The following SARAF variants were observed in gnomAD, a reference collection of about 807,000 sequenced individuals.
The protein encoded by SARAF is store-operated calcium entry-associated regulatory factor.
A neutral mutation model predicts 39.7 loss-of-function variants in SARAF; 23 were observed. The observed-to-expected ratio is 0.58, with a 90% CI of 0.42 to 0.82. The LOEUF (loss-of-function observed/expected upper bound fraction) is 0.82. Among genes scored for constraint, SARAF ranks in the 40% least tolerant of loss-of-function variants. The pLI, the probability that SARAF is intolerant of heterozygous loss-of-function variation, is 0.00. For missense variants in SARAF, 384 were observed against 418.5 expected, an observed-to-expected ratio of 0.92 and a Z score of 0.72; for synonymous variants, 175 against 168.5, an observed-to-expected ratio of 1.04 and a Z score of -0.30.
intron 5 of SARAF, among the ~76,000 whole-genome samples, chr8:30,064,561 A>ATATATATATATATATATATTTTTTTTTT (rs1423689069): frequency 2.2e-5 from 1 of 46,226 alleles, no homozygotes; most frequent in Non-Finnish European, 3.4e-5. Flanking sequence ...ATATATATAT[A>ATATATATATATATATATATTTTTTTTTT]TTTTTTTTTT....
chr8:30,067,764 AATGTTTATGGATATT>A (rs1801725529), intron 3 of SARAF, among the ~76,000 whole-genome samples: 1 of 152,102 alleles, frequency 6.6e-6, no homozygotes, highest in African/African-American at 2.4e-5. Context: ...GTCCCATTCT[AATGTTTATGGATATT>A]CCACCTCCAT....
At chr8:30,078,609 G>GA (rs1221822264) in intron 1 of SARAF, among the ~76,000 whole-genome samples, 1 of 152,162 alleles carries the variant, frequency 6.6e-6, no homozygotes, top group African/African-American at 2.4e-5. Flanking sequence ...GCTAATGGTG[G>GA]AACAAACTGA....
chr8:30,066,280 G>A, intron 4 of SARAF, 141 bp from the exon 5 acceptor site: 2 of 908,092 alleles, frequency 2.2e-6, no homozygotes, highest in Admixed American at 3.0e-5. Flanking sequence ...GAGTTAACAT[G>A]AAATAAAAAC....
chr8:30,079,432 A>G (rs944271134), intron 1 of SARAF, among the ~76,000 whole-genome samples: 5 of 152,230 alleles, frequency 3.3e-5, no homozygotes, highest in African/African-American at 9.6e-5. Context: ...TCCAAGAACT[A>G]TATTCAAATA....
chr8:30,071,205 G>A (rs145892308), intron 2 of SARAF, among the ~76,000 whole-genome samples: 26 of 152,302 alleles, frequency 1.7e-4, no homozygotes, highest in South Asian at 1.0e-3. Flanking sequence ...GGTGGGCATG[G>A]TGGCAGGCGC....
intron 4 of SARAF, 83 bp from the exon 5 acceptor site, chr8:30,066,222 A>G (rs1055590524): frequency 1.5e-6 from 2 of 1,338,080 alleles, no homozygotes; most frequent in Admixed American, 4.6e-5. Context: ...AACTGTCAGA[A>G]AAAAATATCT....
chr8:30,081,822 T>C lies in SARAF; in HGVS notation c.103+1025A>G, dbSNP rs1252209265. 4.6e-5 allele frequency among the ~76,000 whole-genome samples: 7 copies of C among 152,026 alleles called. No individual in the cohort carries two copies. In the East Asian group the frequency reaches 5.8e-4, roughly 13 times the overall value. Reference sequence around the variant, plus strand: ...AAATCTGTATCTAAGTATATAGACATATACGTATTAATTGCACGGAATATT... The same window carrying C: ...AAATCTGTATCTAAGTATATAGACACATACGTATTAATTGCACGGAATATT... On this transcript the variant is annotated intron_variant, in intron 1 of 5. Coordinates refer to ENST00000256255, the MANE Select transcript of SARAF (RefSeq NM_016127.6).
At chr8:30,067,440 T>C (rs766567079) in intron 3 of SARAF, among the ~76,000 whole-genome samples, 1 of 152,220 alleles carries the variant, frequency 6.6e-6, no homozygotes, top group African/African-American at 2.4e-5. Flanking sequence ...ATCTTACACG[T>C]GTGGCACAAC....
At position 30,063,178 on chromosome 8, in the gene SARAF, T is replaced by C. The variant is rs893440268; in HGVS notation, c.*710A>G. ...ATTTGAGATTTCACAGAGAACTGCA[T>C]GCTTTTGTTATTAAAAGACTTTTGT... is the stretch of plus-strand genomic sequence containing the variant. On this transcript the variant is annotated 3_prime_UTR_variant, in exon 6 of 6. Transcript: ENST00000256255. The C allele has an allele frequency of 3.3e-5, 5 of 152,252 alleles. No individual in the cohort carries two copies. Among genetic ancestry groups the C allele is most frequent in the African/African-American group, 1.2e-4 (5 of 41,460 alleles). 9.4% of individuals were successfully genotyped at this position (152,252 alleles called of 1,614,324 possible).
Position 30,069,750 on chromosome 8 carries a change from G to A in SARAF, c.592C>T (p.Gln198Ter), listed in dbSNP as rs1379853293. 1.2e-6 allele frequency: 2 copies of A among 1,613,940 alleles called. No individual in the cohort carries two copies. Among genetic ancestry groups the A allele is most frequent in the Non-Finnish European group, 1.7e-6 (2 of 1,179,968 alleles). ...VVYKLFLSDGQYSPPPYSEYP... is the reference protein window; with the variant it reads ...VVYKLFLSDG ...TCAGAGTACGGTGGAGGAGAATACT[G>A]CCCGTCACTCAGGAACAGCTTATAG... The change falls in exon 3 of 6, where the codon CAG becomes TAG. Residue 198 changes from glutamine (Q) to a stop codon, truncating the protein, a stop_gained. Transcript: ENST00000256255. LOFTEE classifies it high-confidence loss of function.
In SARAF at chr8:30,063,024, T is replaced by C. The variant is rs1327921405; in HGVS notation, c.*864A>G. 6.6e-6 allele frequency: 1 copy of C among 152,220 alleles called. No homozygotes were observed. Among genetic ancestry groups the C allele is most frequent in the Non-Finnish European group, 1.5e-5 (1 of 68,046 alleles). 9.4% of individuals were successfully genotyped at this position (152,220 alleles called of 1,614,324 possible). On this transcript the variant is annotated 3_prime_UTR_variant, in exon 6 of 6. Transcript: ENST00000256255. ...GAACTTCTGCATGAACTTTCCCCTT[T>C]GGGAAAAAGGGTTTAAAAAAACAAA... is the stretch of plus-strand genomic sequence containing the variant.
intron 3 of SARAF, among the ~76,000 whole-genome samples, chr8:30,068,094 T>C (rs560167416): frequency 1.2e-4 from 18 of 152,342 alleles, no homozygotes; most frequent in Non-Finnish European, 2.2e-4. Context: ...GCACCTTTTC[T>C]TATTTCTGTT....
chr8:30,076,005 CA>C (rs1246796084), intron 1 of SARAF, among the ~76,000 whole-genome samples: 1 of 111,032 alleles, frequency 9.0e-6, no homozygotes, highest in Non-Finnish European at 1.6e-5. Context: ...AAAAAAAAAA[CA>C]AAAAACGGGA....
chr8:30,074,159 T>C, intron 1 of SARAF, 104 bp from the exon 2 acceptor site: 6 of 1,279,166 alleles, frequency 4.7e-6, no homozygotes, highest in South Asian at 2.9e-5. Flanking sequence ...TTTCTTGCCT[T>C]CTGAGGATGG....
intron 2 of SARAF, 83 bp downstream of exon 2, chr8:30,073,794 C>T: frequency 7.8e-7 from 1 of 1,289,150 alleles, no homozygotes; most frequent in Non-Finnish European, 1.1e-6. Context: ...TAGGTGCACC[C>T]TCAAAAGACT....
chr8:30,063,324 A>T lies in SARAF; in HGVS notation c.*564T>A, dbSNP rs1801600688. Reference sequence around the variant, plus strand: ...GCTTATTTTCTACCTTTTCCTACAGAAGGTAATATTCAGTTACCAGAAGGC... The same window carrying T: ...GCTTATTTTCTACCTTTTCCTACAGTAGGTAATATTCAGTTACCAGAAGGC... On this transcript the variant is annotated 3_prime_UTR_variant, in exon 6 of 6. Transcript: ENST00000256255. The T allele has an allele frequency of 6.6e-6, 1 of 152,572 alleles. No individual in the cohort carries two copies. The highest frequency in any genetic ancestry group is 2.1e-4 in the South Asian group (1 of 4,852). The allele number at this position is 152,572 out of a possible 1,614,324, so 9.5% of individuals were successfully genotyped here. A position where few individuals can be genotyped will look rare whatever the true frequency, so the allele number is the denominator to read the frequency against.
rs986636 is a variant in SARAF, at chr8:30,073,859, T to C, written c.282+18A>G. On this transcript the variant is annotated intron_variant, in intron 2 of 5. Coordinates refer to ENST00000256255, the MANE Select transcript of SARAF (RefSeq NM_016127.6). ...ATAAAAACCCCATTTAGACTGCCAT[T>C]ACTGTAGTGGATATTACCTGTACAT... 1 allele frequency: 1,600,815 copies of C among 1,606,906 alleles called. 797,566 individuals are homozygous for C. Among genetic ancestry groups the C allele is most frequent in the East Asian group, 1 (44,710 of 44,710 alleles).
intron 1 of SARAF, 51 bp downstream of exon 1, chr8:30,082,796 C>A: frequency 7.0e-7 from 1 of 1,423,470 alleles, no homozygotes; most frequent in South Asian, 1.4e-5. Flanking sequence ...CACCGGCTGA[C>A]GGCGGCGGAA....
chr8:30,073,692 T>C (rs1801895243), intron 2 of SARAF, 185 bp downstream of exon 2: 1 of 504,672 alleles, frequency 2.0e-6, no homozygotes, highest in South Asian at 3.7e-5. Context: ...ATTTTCAGGC[T>C]TTAAAATCAG....
Sources: allele counts gnomAD v4.1 joint callset (sites outside exome capture counted in the v4.1 genomes callset), GRCh38; gene constraint gnomAD v4.1.1; transcripts MANE v1.5; gene names NCBI Gene and HGNC (gene_info 2026-07-23, HGNC 2026-07-21).